Variants in KATNAL2 observed in about 807,000 individuals in gnomAD.
KATNAL2 encodes the protein katanin p60 ATPase-containing subunit A-like 2.
In KATNAL2, 52 loss-of-function variants were observed where a neutral mutation model predicts 76.3. The observed-to-expected ratio is 0.68, with a 90% confidence interval of 0.55 to 0.86. KATNAL2 has a LOEUF of 0.86. Ranked by LOEUF, KATNAL2 falls within the 40% of genes least tolerant of loss-of-function variation. The pLI is 0.00. For synonymous variants in KATNAL2, 243 were observed against 244.2 expected, an observed-to-expected ratio of 1.00 and a Z score of 0.05; for missense variants, 660 against 668.9, an observed-to-expected ratio of 0.99 and a Z score of 0.15.
Position 47,059,667 on chromosome 18 carries a change from C to T in KATNAL2, c.549+13C>T, listed in dbSNP as rs778827472. 1 of 1,521,286 alleles carries T rather than the reference C, an allele frequency of 6.6e-7. No homozygotes were observed. Among genetic ancestry groups the T allele is most frequent in the Non-Finnish European group, 9.1e-7 (1 of 1,095,842 alleles). The allele number at this position is 1,521,286 out of a possible 1,614,324, so 94.2% of individuals were successfully genotyped here. On this transcript the variant is annotated intron_variant, in intron 8 of 17. Coordinates refer to ENST00000683218, the MANE Select transcript of KATNAL2 (RefSeq NM_001387690.1). The stretch of plus-strand genomic sequence containing the variant: ...CCACCCACGAAGAGTAAGTGAAACT[C>T]ATGAACCTAACACTGAAAGTGGTAA...
At chr18:47,034,701 C>A in intron 3 of KATNAL2, 2 of 1,612,970 alleles carry the variant, frequency 1.2e-6, no homozygotes, top group South Asian at 1.1e-5. Context: ...GCTTCCCGGG[C>A]GCAGCGGGCT....
chr18:47,089,445 A>G (rs1420586890), intron 15 of KATNAL2, among the ~76,000 whole-genome samples: 1 of 152,224 alleles, frequency 6.6e-6, no homozygotes, highest in Non-Finnish European at 1.5e-5. Flanking sequence ...TGTAGCAATT[A>G]GAAGTTATTT....
chr18:47,101,990 TTTCTC>T lies in KATNAL2; in HGVS notation c.*989_*993del, dbSNP rs1243040026. 6.6e-6 allele frequency: 1 copy of T among 152,196 alleles called. No homozygotes were observed. The highest frequency in any genetic ancestry group is 1.5e-5 in the Non-Finnish European group (1 of 68,044). The allele number at this position is 152,196 out of a possible 1,614,324, so 9.4% of individuals were successfully genotyped here. On this transcript the variant is annotated 3_prime_UTR_variant, in exon 18 of 18. Coordinates refer to ENST00000683218, the MANE Select transcript of KATNAL2 (RefSeq NM_001387690.1). Reference sequence around the variant, plus strand: ...ACTTACCTATGGGAAATCACCTTCTTTTCTCTTCCTTGCCTTGTCTTCATCATCCC... The same window carrying T: ...ACTTACCTATGGGAAATCACCTTCTTTTCCTTGCCTTGTCTTCATCATCCC...
At chr18:47,075,643 C>G (rs1055921828) in intron 14 of KATNAL2, among the ~76,000 whole-genome samples, 7 of 152,196 alleles carry the variant, frequency 4.6e-5, no homozygotes, top group Admixed American at 4.6e-4. Context: ...CCTCTAGCCC[C>G]AGGATCCCAG....
At chr18:47,044,766 A>AAAAAAC (rs1018882483) in intron 3 of KATNAL2, among the ~76,000 whole-genome samples, 5 of 121,758 alleles carry the variant, frequency 4.1e-5, no homozygotes, top group Admixed American at 9.0e-5. Context: ...CTTCTCAAAA[A>AAAAAAC]AAAAACAAAA....
chr18:47,095,998 G>A (rs189599640), intron 15 of KATNAL2, among the ~76,000 whole-genome samples: 25 of 152,312 alleles, frequency 1.6e-4, no homozygotes, highest in Admixed American at 1.2e-3. Context: ...TCTGATGTGC[G>A]ATGAATGTCA....
At chr18:47,046,589 G>C in intron 4 of KATNAL2, 62 bp downstream of exon 4, 1 of 1,125,014 alleles carries the variant, frequency 8.9e-7, no homozygotes, top group Non-Finnish European at 1.3e-6. Flanking sequence ...TACTTTTCCA[G>C]ATGCGTACTT....
chr18:46,955,792 A>G (rs1340429185), intron 3 of KATNAL2, among the ~76,000 whole-genome samples: 1 of 152,086 alleles, frequency 6.6e-6, no homozygotes, highest in Non-Finnish European at 1.5e-5. Flanking sequence ...TCCTCACACA[A>G]TCCTCCCACT....
chr18:47,034,265 G>C (rs1367630813), intron 3 of KATNAL2: 1 of 1,613,866 alleles, frequency 6.2e-7, no homozygotes, highest in Non-Finnish European at 8.5e-7. Flanking sequence ...TTCTCCTCGG[G>C]CGACAGGCCG....
Position 47,048,904 on chromosome 18 carries a change from G to A in KATNAL2, c.122+2377G>A, listed in dbSNP as rs528995929. ...GCCTGGAGTGCAATGGCGCGATCTC[G>A]GCTCACTGCAAGCTCCGCCTCCTGG... On this transcript the variant is annotated intron_variant, in intron 4 of 17. Coordinates refer to ENST00000683218, the MANE Select transcript of KATNAL2 (RefSeq NM_001387690.1). 4.3e-3 allele frequency among the ~76,000 whole-genome samples: 563 copies of A among 132,026 alleles called. 5 individuals carry two copies. Among genetic ancestry groups the A allele is most frequent in the Admixed American group, 4.0e-3 (41 of 10,142 alleles). 86.6% of individuals were successfully genotyped at this position (132,026 alleles called of 152,430 possible).
intron 3 of KATNAL2, chr18:47,034,994 C>T (rs755194572): frequency 2.5e-6 from 4 of 1,611,586 alleles, no homozygotes; most frequent in Non-Finnish European, 3.4e-6. Context: ...GCGCTCTCCT[C>T]AGGGTCCTGT....
chr18:47,033,118 C>A, intron 3 of KATNAL2: 1 of 1,614,134 alleles, frequency 6.2e-7, no homozygotes, highest in African/African-American at 1.3e-5. Flanking sequence ...CTCATTGCTG[C>A]TGCTCAGGCA....
chr18:47,094,464 C>T (rs551384122), intron 15 of KATNAL2, among the ~76,000 whole-genome samples: 2 of 152,304 alleles, frequency 1.3e-5, no homozygotes, highest in African/African-American at 2.4e-5. Flanking sequence ...TTATTTTCCA[C>T]CATTAATTTG....
intron 3 of KATNAL2, among the ~76,000 whole-genome samples, chr18:47,041,112 T>A (rs562790479): frequency 6.6e-6 from 1 of 152,276 alleles, no homozygotes; most frequent in African/African-American, 2.4e-5. Flanking sequence ...TATAGAGAAT[T>A]CCCACGTACC....
intron 3 of KATNAL2, among the ~76,000 whole-genome samples, chr18:47,036,304 A>G (rs1034691351): frequency 1.9e-4 from 29 of 152,314 alleles, no homozygotes; most frequent in Admixed American, 1.9e-3. Flanking sequence ...CTCTCTGGTA[A>G]TGGTTTTTCT....
At chr18:47,066,322 A>T (rs896495717) in intron 10 of KATNAL2, among the ~76,000 whole-genome samples, 1 of 152,132 alleles carries the variant, frequency 6.6e-6, no homozygotes, top group Non-Finnish European at 1.5e-5. Flanking sequence ...GTGAAATTGA[A>T]GTTTGGAAAC....
intron 15 of KATNAL2, among the ~76,000 whole-genome samples, chr18:47,087,941 T>A (rs2062845015): frequency 6.6e-6 from 1 of 152,122 alleles, no homozygotes; most frequent in South Asian, 2.1e-4. Flanking sequence ...GTACCATAAT[T>A]TATTTGACTT....
intron 3 of KATNAL2, among the ~76,000 whole-genome samples, chr18:46,950,086 C>G (rs1415539739): frequency 6.6e-6 from 1 of 152,228 alleles, no homozygotes; most frequent in African/African-American, 2.4e-5. Context: ...CACATTCTCC[C>G]TAATCTAACG....
chr18:47,033,315 C>T, intron 3 of KATNAL2: 1 of 1,613,670 alleles, frequency 6.2e-7, no homozygotes, highest in Non-Finnish European at 8.5e-7. Flanking sequence ...TATCATAAGG[C>T]GTCTTGGCCA....
Sources: allele counts gnomAD v4.1 joint callset (sites outside exome capture counted in the v4.1 genomes callset), GRCh38; gene constraint gnomAD v4.1.1; transcripts MANE v1.5; gene names NCBI Gene and HGNC (gene_info 2026-07-23, HGNC 2026-07-21).